Variants in ALKBH1 observed in about 807,000 individuals in gnomAD.
ALKBH1 encodes alkB homolog 1, histone H2A dioxygenase.
Under a neutral mutation model 36.6 loss-of-function variants are expected in ALKBH1, and 31 were observed. That is an observed-to-expected ratio of 0.85 (90% confidence interval 0.64 to 1.14). The LOEUF (loss-of-function observed/expected upper bound fraction) is 1.14. Among genes scored for constraint, ALKBH1 ranks in the 50% most tolerant of loss-of-function variants. ALKBH1 has a pLI of 0.00. For synonymous variants in ALKBH1, 183 were observed against 186.6 expected (o/e 0.98, Z 0.16); for missense variants, 490 against 497.3 (o/e 0.99, Z 0.14).
intron 4 of ALKBH1, among the ~76,000 whole-genome samples, chr14:77,677,708 T>C (rs1200434875): frequency 6.6e-6 from 1 of 152,172 alleles, no homozygotes; most frequent in Non-Finnish European, 1.5e-5. Flanking sequence ...AACTTTTCTG[T>C]TTTTCATTTT....
At chr14:77,703,974 T>C (rs2080374365) in intron 2 of ALKBH1, among the ~76,000 whole-genome samples, 1 of 152,242 alleles carries the variant, frequency 6.6e-6, no homozygotes, top group South Asian at 2.1e-4. Flanking sequence ...TAAGTTGTTA[T>C]GCCATTTGAG....
At chr14:77,683,534 G>T in intron 3 of ALKBH1, 1 of 630,870 alleles carries the variant, frequency 1.6e-6, no homozygotes, top group South Asian at 1.6e-5. Context: ...ATTCCTTTTT[G>T]AACAGTACCC....
chr14:77,675,434 A>C (rs540813368), intron 5 of ALKBH1, among the ~76,000 whole-genome samples: 29 of 73,018 alleles, frequency 4.0e-4, no homozygotes, highest in Non-Finnish European at 8.3e-4. Flanking sequence ...ACTCTGTTTC[A>C]AAAAAAAACA....
intron 1 of ALKBH1, among the ~76,000 whole-genome samples, chr14:77,706,001 G>A (rs989635007): frequency 6.6e-6 from 1 of 152,070 alleles, no homozygotes; most frequent in Non-Finnish European, 1.5e-5. Context: ...GTTGCAGTGA[G>A]CCAAGATCAC....
intron 3 of ALKBH1, among the ~76,000 whole-genome samples, chr14:77,684,972 G>A (rs1595051303): frequency 6.6e-6 from 1 of 152,122 alleles, no homozygotes; most frequent in African/African-American, 2.4e-5. Context: ...TGATATGGCC[G>A]CAACAAACTG....
intron 1 of ALKBH1, 24 bp downstream of exon 1, chr14:77,707,798 C>G (rs746515336): frequency 1.3e-6 from 2 of 1,566,786 alleles, no homozygotes; most frequent in Non-Finnish European, 1.7e-6. Flanking sequence ...GATGGAGAGA[C>G]GCGCGCCACT....
chr14:77,689,223 TG>T (rs2080284935), intron 3 of ALKBH1, among the ~76,000 whole-genome samples: 4 of 152,332 alleles, frequency 2.6e-5, no homozygotes, highest in Admixed American at 6.5e-5. Context: ...TCACTTCTTC[TG>T]GGAAGTCTTT....
intron 3 of ALKBH1, chr14:77,683,560 AT>A: frequency 1.9e-6 from 1 of 537,876 alleles, no homozygotes; most frequent in South Asian, 1.9e-5. Flanking sequence ...CATTCCCTTA[AT>A]GTCGACAACA....
At chr14:77,705,969 C>A (rs977957431) in intron 1 of ALKBH1, among the ~76,000 whole-genome samples, 1 of 152,050 alleles carries the variant, frequency 6.6e-6, no homozygotes, top group African/African-American at 2.4e-5. Context: ...GCAGAAGAAT[C>A]ATTTGAACCT....
At chr14:77,686,207 T>C (rs1444430978) in intron 3 of ALKBH1, among the ~76,000 whole-genome samples, 2 of 152,084 alleles carry the variant, frequency 1.3e-5, no homozygotes, top group African/African-American at 2.4e-5. Context: ...ACACTGTGAA[T>C]AGTAAGACCA....
chr14:77,704,975 A>C (rs1341368519), intron 1 of ALKBH1, among the ~76,000 whole-genome samples: 1 of 152,228 alleles, frequency 6.6e-6, no homozygotes, highest in Non-Finnish European at 1.5e-5. Context: ...GGGCTGAATC[A>C]TGAAAGGTGC....
At chr14:77,680,555 C>A (rs1407174323) in intron 3 of ALKBH1, among the ~76,000 whole-genome samples, 1 of 152,122 alleles carries the variant, frequency 6.6e-6, no homozygotes, top group Non-Finnish European at 1.5e-5. Context: ...AATTAAGGCA[C>A]CACTGTAACT....
intron 2 of ALKBH1, among the ~76,000 whole-genome samples, chr14:77,698,683 C>A (rs2080342139): frequency 6.6e-6 from 1 of 152,224 alleles, no homozygotes; most frequent in Non-Finnish European, 1.5e-5. Context: ...AACTCCAGAT[C>A]TAGTCTAGAC....
intron 3 of ALKBH1, among the ~76,000 whole-genome samples, chr14:77,687,026 G>C (rs965876498): frequency 6.6e-6 from 1 of 152,170 alleles, no homozygotes; most frequent in Non-Finnish European, 1.5e-5. Context: ...CACTGTAACT[G>C]CTAACATCCT....
At chr14:77,700,452 T>C (rs1430738528) in intron 2 of ALKBH1, among the ~76,000 whole-genome samples, 2 of 152,196 alleles carry the variant, frequency 1.3e-5, no homozygotes, top group Non-Finnish European at 1.5e-5. Flanking sequence ...GGAAACCTCA[T>C]ACAGACAAAG....
intron 3 of ALKBH1, chr14:77,683,147 GTC>G: frequency 6.5e-6 from 3 of 464,714 alleles, no homozygotes; most frequent in Non-Finnish European, 7.5e-6. Flanking sequence ...AAGCTGTAAA[GTC>G]TTTTTTTTTT....
chr14:77,705,545 G>T (rs1428665475), intron 1 of ALKBH1, among the ~76,000 whole-genome samples: 1 of 152,106 alleles, frequency 6.6e-6, no homozygotes, highest in African/African-American at 2.4e-5. Context: ...TCTTCTAGAT[G>T]AAATGTCCAA....
chr14:77,684,231 G>T (rs2080255143), intron 3 of ALKBH1, among the ~76,000 whole-genome samples: 1 of 152,180 alleles, frequency 6.6e-6, no homozygotes, highest in South Asian at 2.1e-4. Flanking sequence ...TGCATTTCTA[G>T]TAAGTTCCCA....
intron 3 of ALKBH1, among the ~76,000 whole-genome samples, chr14:77,684,907 A>G (rs575275236): frequency 2.0e-5 from 3 of 152,186 alleles, no homozygotes; most frequent in Non-Finnish European, 4.4e-5. Context: ...AACAATAAAC[A>G]TAACAATAAT....
Sources: gnomAD v4.1 joint callset for allele counts (sites outside exome capture counted in the v4.1 genomes callset) on GRCh38, gnomAD v4.1.1 for gene constraint, MANE v1.5 for transcripts, NCBI Gene and HGNC (gene_info 2026-07-23, HGNC 2026-07-21) for gene names.